SPAG9: variants seen among roughly 807,000 people sequenced by gnomAD.
SPAG9 encodes the protein sperm associated antigen 9, also known as C-Jun-amino-terminal kinase-interacting protein 4.
SPAG9 carries 35 observed loss-of-function variants against 166.5 expected under a neutral mutation model. The observed-to-expected ratio is 0.21, with a 90% CI of 0.16 to 0.28. The LOEUF (loss-of-function observed/expected upper bound fraction) is 0.28, where lower values mean the gene tolerates loss of function less well. SPAG9 is among the 10% of genes least tolerant of loss of function. SPAG9 has a pLI of 1.00. For synonymous variants in SPAG9, 534 were observed against 565.5 expected (o/e 0.94, Z 0.79); for missense variants, 1,235 against 1,603.3 (o/e 0.77, Z 3.92).
At chr17:51,101,725 G>A (rs571728792) in intron 1 of SPAG9, among the ~76,000 whole-genome samples, 1 of 152,196 alleles carries the variant, frequency 6.6e-6, no homozygotes, top group East Asian at 1.9e-4. Context: ...CCAGGTTCAA[G>A]CAATTCTCCT....
At chr17:51,016,087 T>G (rs567885687) in intron 8 of SPAG9, 1 of 152,058 alleles carries the variant, frequency 6.6e-6, no homozygotes, top group South Asian at 2.1e-4. Context: ...AGCATGAAAA[T>G]GAAGTAATGT....
chr17:51,120,833 G>A lies in SPAG9; in HGVS notation c.-177C>T, dbSNP rs977992662. ...GCCGGAGGAGGGGAGGGGTGGCGTA[G>A]GCGCTCTCACCCCAACCGCCGCTGC... On this transcript the variant is annotated 5_prime_UTR_variant, in exon 1 of 30. Coordinates refer to ENST00000262013, the MANE Select transcript of SPAG9 (RefSeq NM_001130528.3). The surrounding 1 kb of genome is among the most constrained non-coding windows in gnomAD (Gnocchi z 4.7). The A allele has an allele frequency of 1.8e-4, 78 of 432,024 alleles. No individual in the cohort carries two copies. In the East Asian group the frequency reaches 1.9e-3, roughly 11 times the overall value. The allele number at this position is 432,024 out of a possible 1,614,324, so 26.8% of individuals were successfully genotyped here.
intron 1 of SPAG9, among the ~76,000 whole-genome samples, chr17:51,093,474 G>A (rs898158127): frequency 1.3e-5 from 2 of 151,932 alleles, no homozygotes; most frequent in East Asian, 1.9e-4. Flanking sequence ...AGGCTGAGGC[G>A]GGTGGATCAC....
At chr17:51,114,447 T>C (rs976435862) in intron 1 of SPAG9, among the ~76,000 whole-genome samples, 1 of 151,858 alleles carries the variant, frequency 6.6e-6, no homozygotes, top group Non-Finnish European at 1.5e-5. Flanking sequence ...CTGGCTAACA[T>C]GGTGAAACCC....
At chr17:51,115,648 T>C (rs897699301) in intron 1 of SPAG9, among the ~76,000 whole-genome samples, 3 of 148,794 alleles carry the variant, frequency 2.0e-5, no homozygotes, top group Non-Finnish European at 4.5e-5. Flanking sequence ...CTGACCAACA[T>C]GCAGAAACCC....
At chr17:51,025,995 G>T (rs941484988) in intron 6 of SPAG9, among the ~76,000 whole-genome samples, 1 of 152,158 alleles carries the variant, frequency 6.6e-6, no homozygotes, top group African/African-American at 2.4e-5. Context: ...GATTCAGAAA[G>T]CCCTAGAGAA....
chr17:50,969,723 T>C (rs1973630083), intron 29 of SPAG9, among the ~76,000 whole-genome samples: 1 of 152,126 alleles, frequency 6.6e-6, no homozygotes, highest in African/African-American at 2.4e-5. Context: ...GCCAAGCTAT[T>C]CTCTTACCTC....
Position 51,041,613 on chromosome 17 carries a change from G to A in SPAG9, c.629C>T (p.Pro210Leu), listed in dbSNP as rs2046842223. ...RPISLGIFPL[P>L]AGDGLLTPDA... ...AGGTGTAAGCAATCCATCTCCAGCA[G>A]GTAATGGGAAAATTCCTAATGATAT... Residue 210 changes from proline (P) to leucine (L), a missense_variant, in exon 5 of 30, where the codon CCT (proline) becomes CTT (leucine). Coordinates refer to ENST00000262013, the MANE Select transcript of SPAG9 (RefSeq NM_001130528.3). The A allele has an allele frequency of 3.1e-6, 5 of 1,613,914 alleles. No homozygotes were observed. Among genetic ancestry groups the A allele is most frequent in the Non-Finnish European group, 4.2e-6 (5 of 1,179,842 alleles).
At chr17:50,986,243 A>G (rs1385469782) in intron 22 of SPAG9, among the ~76,000 whole-genome samples, 1 of 152,220 alleles carries the variant, frequency 6.6e-6, no homozygotes, top group Non-Finnish European at 1.5e-5. Flanking sequence ...TGGGGGGGAA[A>G]TCAAGGGTAT....
At chr17:51,017,021 G>A (rs940971754) in intron 8 of SPAG9, among the ~76,000 whole-genome samples, 4 of 152,212 alleles carry the variant, frequency 2.6e-5, no homozygotes, top group African/African-American at 9.6e-5. Context: ...TTAACTAACA[G>A]AATTTGAAAT....
intron 2 of SPAG9, among the ~76,000 whole-genome samples, chr17:51,069,128 A>G (rs978608753): frequency 7.2e-5 from 11 of 152,210 alleles, no homozygotes; most frequent in Admixed American, 6.5e-4. Context: ...TTAACTTGTC[A>G]TTCTTTTAAA....
chr17:51,023,278 A>C lies in SPAG9; in HGVS notation c.784-1913T>G, dbSNP rs2046017035. 2.0e-5 allele frequency: 3 copies of C among 149,796 alleles called. No individual in the cohort carries two copies. The South Asian group carries it at 5.9e-4, about 29-fold the overall frequency. The allele number at this position is 149,796 out of a possible 1,614,324, so 9.3% of individuals were successfully genotyped here. On this transcript the variant is annotated intron_variant, in intron 6 of 29. Transcript: ENST00000262013. Reference sequence around the variant, plus strand: ...GTAACTATTAGTATAATTATAATACATAATTATATATTTTTATAATTTATT... The same window carrying C: ...GTAACTATTAGTATAATTATAATACCTAATTATATATTTTTATAATTTATT...
At chr17:51,046,252 A>G (rs951845371) in intron 4 of SPAG9, among the ~76,000 whole-genome samples, 11 of 152,160 alleles carry the variant, frequency 7.2e-5, no homozygotes, top group Admixed American at 7.2e-4. Context: ...AAACAAGACC[A>G]CACTGACCTT....
At position 50,993,559 on chromosome 17, in the gene SPAG9, A is replaced by G. The variant is rs558754829; in HGVS notation, c.2398+205T>C. 2.6e-5 allele frequency among the ~76,000 whole-genome samples: 4 copies of G among 152,158 alleles called. No individual in the cohort carries two copies. The South Asian group carries it at 8.3e-4, about 32-fold the overall frequency. Reference sequence around the variant, plus strand: ...CTCCCAGTTATTTTCTCATATTCCCATTGTTTTATTTTCTTCACAGTATTT... The same window carrying G: ...CTCCCAGTTATTTTCTCATATTCCCGTTGTTTTATTTTCTTCACAGTATTT... On this transcript the variant is annotated intron_variant, in intron 19 of 29. Coordinates refer to ENST00000262013, the MANE Select transcript of SPAG9 (RefSeq NM_001130528.3).
chr17:51,049,551 C>A (rs1163920696), intron 3 of SPAG9, among the ~76,000 whole-genome samples: 1 of 151,804 alleles, frequency 6.6e-6, no homozygotes, highest in Non-Finnish European at 1.5e-5. Flanking sequence ...TTTTGGGATG[C>A]GCCTGTAGTA....
At chr17:51,118,112 C>T (rs1285711422) in intron 1 of SPAG9, among the ~76,000 whole-genome samples, 3 of 147,984 alleles carry the variant, frequency 2.0e-5, no homozygotes, top group South Asian at 4.3e-4. Context: ...TCCAGCCTGG[C>T]GACAGAGAGA....
At chr17:51,111,598 TTTTTG>T (rs2049113327) in intron 1 of SPAG9, among the ~76,000 whole-genome samples, 1 of 152,008 alleles carries the variant, frequency 6.6e-6, no homozygotes, top group Non-Finnish European at 1.5e-5. Flanking sequence ...TTGTGATTTT[TTTTTG>T]TTTTGTTTTT....
intron 1 of SPAG9, among the ~76,000 whole-genome samples, chr17:51,117,733 G>A (rs1456569302): frequency 2.5e-5 from 3 of 120,216 alleles, no homozygotes; most frequent in Non-Finnish European, 3.5e-5. Flanking sequence ...AAAAAAAAAA[G>A]GCGCAAACAA....
At chr17:51,050,350 A>G (rs951739302) in intron 3 of SPAG9, among the ~76,000 whole-genome samples, 10 of 152,204 alleles carry the variant, frequency 6.6e-5, no homozygotes, top group Non-Finnish European at 5.9e-5. Flanking sequence ...CAGTGCAGTT[A>G]CAGCCATTTT....
Sources: gnomAD v4.1 joint callset for allele counts (sites outside exome capture counted in the v4.1 genomes callset) on GRCh38, gnomAD v4.1.1 for gene constraint, Gnocchi (gnomAD v3.1) non-coding constraint, MANE v1.5 for transcripts, NCBI Gene and HGNC (gene_info 2026-07-23, HGNC 2026-07-21) for gene names.